The following TMPRSS15 variants were observed in gnomAD, a reference collection of about 807,000 sequenced individuals.
The protein encoded by TMPRSS15 is transmembrane serine protease 15.
TMPRSS15 carries 128 observed loss-of-function variants against 125.3 expected under a neutral mutation model. That is an observed-to-expected ratio of 1.02 (90% CI 0.89 to 1.18). TMPRSS15 has a LOEUF of 1.18. Ranked by LOEUF, TMPRSS15 falls within the 50% of genes most tolerant of loss-of-function variation. The probability of loss-of-function intolerance (pLI) is 0.00; values close to 1 mark genes in which losing one functional copy is unlikely to be tolerated. For synonymous variants in TMPRSS15, 446 were observed against 423.2 expected (o/e 1.05, Z -0.66); for missense variants, 1,283 against 1,212.7 (o/e 1.06, Z -0.86).
chr21:18,427,355 A>T (rs534020273), intron 1 of TMPRSS15, among the ~76,000 whole-genome samples: 1 of 96,056 alleles, frequency 1.0e-5, no homozygotes, highest in South Asian at 4.2e-4. Flanking sequence ...CTTATTTTCC[A>T]TTCTCCTTGC....
chr21:18,398,468 C>G (rs2076062603), intron 1 of TMPRSS15, 139 bp from the exon 2 acceptor site: 1 of 840,632 alleles, frequency 1.2e-6, no homozygotes, highest in African/African-American at 1.7e-5. Context: ...TTTGTAGTCT[C>G]ATGTTTCAAA....
intron 4 of TMPRSS15, among the ~76,000 whole-genome samples, chr21:18,382,163 G>C (rs181390695): frequency 2.0e-5 from 3 of 152,070 alleles, no homozygotes; most frequent in African/African-American, 4.8e-5. Context: ...TGTGAAAAAG[G>C]CCATTTACCA....
chr21:18,430,112 C>T (rs2076213327), intron 1 of TMPRSS15, among the ~76,000 whole-genome samples: 1 of 152,138 alleles, frequency 6.6e-6, no homozygotes, highest in South Asian at 2.1e-4. Context: ...TTTGTGAAAG[C>T]TGTACCTCTT....
At chr21:18,440,889 A>C (rs1193952460) in intron 1 of TMPRSS15, among the ~76,000 whole-genome samples, 1 of 152,250 alleles carries the variant, frequency 6.6e-6, no homozygotes, top group Admixed American at 6.5e-5. Context: ...TTTTCTGCTT[A>C]AAGTATAATT....
chr21:18,421,221 T>C (rs1255564222), intron 1 of TMPRSS15, among the ~76,000 whole-genome samples: 6 of 152,102 alleles, frequency 3.9e-5, no homozygotes, highest in Non-Finnish European at 8.8e-5. Flanking sequence ...TCTTCAAATA[T>C]TATGGAAGAA....
chr21:18,299,552 T>C lies in TMPRSS15; in HGVS notation c.2166-1723A>G, dbSNP rs548084186. The stretch of plus-strand genomic sequence containing the variant: ...ACTGGAATTCGTTGATTCGTGAACA[T>C]CACTGCTGCCAGAGTAAAGTTGGTT... On this transcript the variant is annotated intron_variant, in intron 18 of 24. Coordinates refer to ENST00000284885, the MANE Select transcript of TMPRSS15 (RefSeq NM_002772.3). Among the ~76,000 whole-genome samples the C allele has an allele frequency of 9.8e-5, 15 of 152,338 alleles. No homozygotes were observed. The South Asian group carries it at 2.5e-3, about 25-fold the overall frequency.
chr21:18,371,358 T>A (rs2075790299), intron 6 of TMPRSS15, among the ~76,000 whole-genome samples: 1 of 152,162 alleles, frequency 6.6e-6, no homozygotes, highest in Non-Finnish European at 1.5e-5. Flanking sequence ...AGAACTACTG[T>A]AGTTCTATGT....
At chr21:18,341,819 A>T (rs1317523806) in intron 12 of TMPRSS15, among the ~76,000 whole-genome samples, 1 of 152,160 alleles carries the variant, frequency 6.6e-6, no homozygotes, top group East Asian at 1.9e-4. Flanking sequence ...TACAGTTTCT[A>T]TATCTCTGTC....
At chr21:18,336,376 A>G (rs1196541676) in intron 13 of TMPRSS15, among the ~76,000 whole-genome samples, 2 of 152,176 alleles carry the variant, frequency 1.3e-5, no homozygotes, top group East Asian at 3.8e-4. Flanking sequence ...AAAATTGGCT[A>G]TTGTTTTTCA....
At chr21:18,307,571 A>G (rs1349408933) in intron 18 of TMPRSS15, among the ~76,000 whole-genome samples, 6 of 152,182 alleles carry the variant, frequency 3.9e-5, no homozygotes. Context: ...TGTGTCTATC[A>G]TCACCACATA....
At chr21:18,272,043 C>T (rs557933081) in intron 24 of TMPRSS15, among the ~76,000 whole-genome samples, 2 of 152,250 alleles carry the variant, frequency 1.3e-5, no homozygotes, top group South Asian at 4.1e-4. Context: ...AATAAATACA[C>T]GTGTGCATAT....
upstream of TMPRSS15, among the ~76,000 whole-genome samples, chr21:18,407,427 TTC>T (rs1159544828): frequency 6.9e-6 from 1 of 145,910 alleles, no homozygotes; most frequent in African/African-American, 2.5e-5. Context: ...GTGCTAAACT[TTC>T]TTTTTCTTTT....
At chr21:18,282,139 C>T (rs1291049811) in intron 21 of TMPRSS15, among the ~76,000 whole-genome samples, 3 of 149,456 alleles carry the variant, frequency 2.0e-5, no homozygotes, top group East Asian at 2.0e-4. Flanking sequence ...AACAGTATGC[C>T]TTATTATAAT....
intron 7 of TMPRSS15, among the ~76,000 whole-genome samples, chr21:18,361,189 A>C (rs2075676833): frequency 6.6e-6 from 1 of 152,118 alleles, no homozygotes; most frequent in African/African-American, 2.4e-5. Context: ...TAATAGTTTC[A>C]GAGAGGGGAG....
intron 1 of TMPRSS15, among the ~76,000 whole-genome samples, chr21:18,474,154 T>A (rs1339138485): frequency 1.3e-5 from 2 of 152,134 alleles, no homozygotes; most frequent in Non-Finnish European, 2.9e-5. Flanking sequence ...TACCCATATA[T>A]CTCTGTATGT....
Position 18,352,925 on chromosome 21 carries a change from G to A in TMPRSS15, c.1149C>T (p.Asp383=), listed in dbSNP as rs1231453778. ...TFSPFTGPNF[D]HTFGNASGFY... is the part of the protein sequence containing the mutation. ...TACCTGAAGCATTGCCAAAAGTGTG[G>A]TCAAAATTGGGTCCAGTAAAAGGAG... Residue 383 remains aspartate, a synonymous_variant, in exon 10 of 25, where the codon GAC becomes GAT. Coordinates refer to ENST00000284885, the MANE Select transcript of TMPRSS15 (RefSeq NM_002772.3). 1.2e-6 allele frequency: 2 copies of A among 1,612,244 alleles called. No individual in the cohort carries two copies. Among genetic ancestry groups the A allele is most frequent in the South Asian group, 1.1e-5 (1 of 91,042 alleles).
chr21:18,298,072 G>A (rs894834930), intron 18 of TMPRSS15, among the ~76,000 whole-genome samples: 6 of 152,056 alleles, frequency 3.9e-5, no homozygotes, highest in African/African-American at 1.4e-4. Context: ...TTTAGTCTTT[G>A]TTTGCATTCT....
chr21:18,292,033 G>GC (rs1298997250), intron 21 of TMPRSS15, among the ~76,000 whole-genome samples: 3 of 152,138 alleles, frequency 2.0e-5, no homozygotes, highest in Non-Finnish European at 2.9e-5. Context: ...TGAGGAAGCA[G>GC]CCTAAAGATA....
At chr21:18,466,858 T>A (rs539856135) in intron 1 of TMPRSS15, among the ~76,000 whole-genome samples, 76 of 152,310 alleles carry the variant, frequency 5.0e-4, no homozygotes, top group Non-Finnish European at 9.4e-4. Flanking sequence ...TGGAGATTCC[T>A]CTAGGATCTA....
Sources: gnomAD v4.1 joint callset for allele counts (sites outside exome capture counted in the v4.1 genomes callset) on GRCh38, gnomAD v4.1.1 for gene constraint, MANE v1.5 for transcripts, NCBI Gene and HGNC (gene_info 2026-07-23, HGNC 2026-07-21) for gene names.